Variants in PDZRN4 observed in about 807,000 individuals in gnomAD.
The protein encoded by PDZRN4 is PDZ domain containing ring finger 4, also known as PDZ domain-containing RING finger protein 4.
A neutral mutation model predicts 99.0 loss-of-function variants in PDZRN4; 70 were observed. That is an observed-to-expected ratio of 0.71 (90% CI 0.58 to 0.86). The LOEUF (loss-of-function observed/expected upper bound fraction) is 0.86, where lower values mean the gene tolerates loss of function less well. PDZRN4 is among the 40% of genes least tolerant of loss of function. PDZRN4 has a pLI of 0.00. For missense variants in PDZRN4, 1,474 were observed against 1,331.2 expected, an observed-to-expected ratio of 1.11 and a Z score of -1.67; for synonymous variants, 551 against 501.6, an observed-to-expected ratio of 1.10 and a Z score of -1.32.
intron 3 of PDZRN4, among the ~76,000 whole-genome samples, chr12:41,385,779 A>C (rs577551772): frequency 6.6e-6 from 1 of 152,304 alleles, no homozygotes; most frequent in Admixed American, 6.5e-5. Context: ...TATTCCAAAA[A>C]GTTGAGGAGG....
intron 5 of PDZRN4, among the ~76,000 whole-genome samples, chr12:41,545,150 A>G (rs1441313506): frequency 6.6e-6 from 1 of 152,134 alleles, no homozygotes; most frequent in Non-Finnish European, 1.5e-5. Context: ...AGCCCCGTTT[A>G]CTTTTTGCAA....
intron 3 of PDZRN4, among the ~76,000 whole-genome samples, chr12:41,366,674 A>T (rs1952002665): frequency 6.6e-6 from 1 of 152,150 alleles, no homozygotes; most frequent in South Asian, 2.1e-4. Flanking sequence ...TTGACAGAGA[A>T]AAAGGTTAGA....
In PDZRN4 at chr12:41,478,214, C is replaced by T. The variant is rs193302531; in HGVS notation, c.844-28242C>T. On this transcript the variant is annotated intron_variant, in intron 3 of 9. Coordinates refer to ENST00000402685, the MANE Select transcript of PDZRN4 (RefSeq NM_001164595.2). ...CACTGCAACCTCCGCCTCCCAGGTT[C>T]AAGCGATTCTCGTGCCTCAGCCTCC... Among the ~76,000 whole-genome samples, 150 of 152,252 alleles carry T rather than the reference C, an allele frequency of 9.9e-4. 2 individuals are homozygous for T. The highest frequency in any genetic ancestry group is 9.2e-3 in the Admixed American group (140 of 15,290).
At chr12:41,413,900 TAAAG>T (rs1226996045) in intron 3 of PDZRN4, among the ~76,000 whole-genome samples, 1 of 152,154 alleles carries the variant, frequency 6.6e-6, no homozygotes, top group Non-Finnish European at 1.5e-5. Flanking sequence ...GTGGTTATTT[TAAAG>T]AATCTGTGGG....
At position 41,573,303 on chromosome 12, in the gene PDZRN4, A is replaced by G; in HGVS notation, c.2524A>G (p.Asn842Asp). 1.2e-6 allele frequency: 2 copies of G among 1,613,564 alleles called. No individual in the cohort carries two copies. Among genetic ancestry groups the G allele is most frequent in the African/African-American group, 1.3e-5 (1 of 75,030 alleles). Residue 842 changes from asparagine to aspartate, a missense_variant, in exon 10 of 10, where the codon AAC becomes GAC. Asn to Asp is a conservative substitution (Grantham distance 23). Coordinates refer to ENST00000402685, the MANE Select transcript of PDZRN4 (RefSeq NM_001164595.2). The stretch of plus-strand genomic sequence containing the variant: ...CCACAGCTCCTCATATAGATATGCA[A>G]ACATCCCAGCACACGCCCGGCATTA... The part of the protein sequence containing the change: ...PYHSSSYRYA[N>D]IPAHARHYQS...
intron 3 of PDZRN4, among the ~76,000 whole-genome samples, chr12:41,430,053 G>A (rs1042655024): frequency 2.0e-5 from 3 of 152,140 alleles, no homozygotes; most frequent in Admixed American, 1.3e-4. Flanking sequence ...ATTAGTAGTC[G>A]TGACTAGACC....
At chr12:41,477,920 TGTAA>T in intron 3 of PDZRN4, 1 of 1,525,974 alleles carries the variant, frequency 6.6e-7, no homozygotes, top group East Asian at 2.3e-5. Flanking sequence ...GGCCATCCAC[TGTAA>T]GTATGGCATT....
intron 5 of PDZRN4, among the ~76,000 whole-genome samples, chr12:41,541,449 C>CT (rs66828349): frequency 1.5e-3 from 207 of 137,358 alleles, no homozygotes; most frequent in East Asian, 6.5e-3. Context: ...TTCTTCTAGA[C>CT]TTTTTTTTTT....
intron 1 of PDZRN4, among the ~76,000 whole-genome samples, chr12:41,191,002 A>G (rs1950732388): frequency 6.6e-6 from 1 of 152,240 alleles, no homozygotes; most frequent in African/African-American, 2.4e-5. Context: ...TTATGACTAT[A>G]ATTTATAAAT....
chr12:41,491,255 G>T (rs1246414441), intron 3 of PDZRN4, among the ~76,000 whole-genome samples: 1 of 152,150 alleles, frequency 6.6e-6, no homozygotes, highest in Non-Finnish European at 1.5e-5. Flanking sequence ...GGGAGTGGTG[G>T]CTCACACCTC....
chr12:41,494,807 T>C (rs1937962995), intron 3 of PDZRN4, among the ~76,000 whole-genome samples: 1 of 152,120 alleles, frequency 6.6e-6, no homozygotes, highest in Non-Finnish European at 1.5e-5. Context: ...TCGACAAGTG[T>C]CAGGCTGCAT....
At chr12:41,302,121 C>T (rs1951540414) in intron 3 of PDZRN4, among the ~76,000 whole-genome samples, 1 of 151,900 alleles carries the variant, frequency 6.6e-6, no homozygotes, top group African/African-American at 2.4e-5. Flanking sequence ...CATATGCATA[C>T]ACACATGTGT....
intron 3 of PDZRN4, among the ~76,000 whole-genome samples, chr12:41,390,532 C>T (rs1293073516): frequency 7.5e-6 from 1 of 132,766 alleles, no homozygotes; most frequent in Non-Finnish European, 1.5e-5. Flanking sequence ...CTATTTTCAC[C>T]TGGTAGTCTG....
rs531822151 is a variant in PDZRN4, at chr12:41,324,921, G to C, written c.843+130733G>C. ...TTCCCTGCTACTTTTTAAAAAGGTA[G>C]ACACTAGGACATTTAACATTTGAAA... is the stretch of plus-strand genomic sequence containing the variant. On this transcript the variant is annotated intron_variant, in intron 3 of 9. Transcript: ENST00000402685. Among the ~76,000 whole-genome samples, 194 of 152,198 alleles carry C rather than the reference G, an allele frequency of 1.3e-3. 1 individual carries two copies. The highest frequency in any genetic ancestry group is 4.3e-3 in the African/African-American group (180 of 41,546).
intron 6 of PDZRN4, among the ~76,000 whole-genome samples, chr12:41,553,003 A>C (rs1241038470): frequency 1.3e-5 from 2 of 152,248 alleles, no homozygotes; most frequent in Admixed American, 1.3e-4. Context: ...AAAAGTGGTA[A>C]CATTGTCCAA....
intron 3 of PDZRN4, among the ~76,000 whole-genome samples, chr12:41,488,890 T>A (rs377287913): frequency 6.6e-6 from 1 of 152,154 alleles, no homozygotes. Flanking sequence ...TCAATCTTAA[T>A]GGAGTAAATT....
chr12:41,294,486 C>T (rs984968581), intron 3 of PDZRN4, among the ~76,000 whole-genome samples: 7 of 151,984 alleles, frequency 4.6e-5, no homozygotes, highest in East Asian at 1.9e-4. Flanking sequence ...GTGAAAACTG[C>T]GAGGACTTTA....
At chr12:41,308,470 A>G (rs933747032) in intron 3 of PDZRN4, among the ~76,000 whole-genome samples, 1 of 152,184 alleles carries the variant, frequency 6.6e-6, no homozygotes. Flanking sequence ...CTTTGTTTGA[A>G]AAAAGTGAGT....
chr12:41,361,703 T>C (rs1334017059), intron 3 of PDZRN4, among the ~76,000 whole-genome samples: 2 of 152,066 alleles, frequency 1.3e-5, no homozygotes, highest in African/African-American at 4.8e-5. Context: ...GAATGTCAGA[T>C]AAAGGTGAAG....
Sources: allele counts gnomAD v4.1 joint callset (sites outside exome capture counted in the v4.1 genomes callset), GRCh38; gene constraint gnomAD v4.1.1; transcripts MANE v1.5; gene names NCBI Gene and HGNC (gene_info 2026-07-23, HGNC 2026-07-21).